Variants in HSF1 observed in about 807,000 individuals in gnomAD.
HSF1 encodes heat shock factor protein 1.
A neutral mutation model predicts 51.7 loss-of-function variants in HSF1; 32 were observed. That is an observed-to-expected ratio of 0.62 (90% CI 0.47 to 0.83). The LOEUF (loss-of-function observed/expected upper bound fraction) is 0.83, where lower values mean the gene tolerates loss of function less well. HSF1 is among the 40% of genes least tolerant of loss of function. The probability of loss-of-function intolerance (pLI) is 0.00; values close to 1 mark genes in which losing one functional copy is unlikely to be tolerated. For synonymous variants in HSF1, 396 were observed against 309.7 expected, an observed-to-expected ratio of 1.28 and a Z score of -2.92; for missense variants, 727 against 717.0, an observed-to-expected ratio of 1.01 and a Z score of -0.16.
Position 144,311,832 on chromosome 8 carries a change from G to A in HSF1, c.856G>A (p.Glu286Lys), listed in dbSNP as rs781953503. 1.1e-5 allele frequency: 18 copies of A among 1,603,994 alleles called. No homozygotes were observed. Among genetic ancestry groups the A allele is most frequent in the African/African-American group, 1.3e-5 (1 of 74,732 alleles). The change falls in exon 8 of 13, where the codon GAG becomes AAG. Residue 286 changes from glutamate (E) to lysine (K), a missense_variant. Physicochemically the swap from Glu to Lys is moderately conservative, Grantham distance 56. Coordinates refer to ENST00000528838, the MANE Select transcript of HSF1 (RefSeq NM_005526.4). ...PMASPGGSID[E>K]RPLSSSPLVR... Reference sequence around the variant, plus strand: ...GGCCTCCCCCGGCGGGAGCATAGACGAGAGGTGGGGGCCGCATCACCCCAG... The same window carrying A: ...GGCCTCCCCCGGCGGGAGCATAGACAAGAGGTGGGGGCCGCATCACCCCAG...
Position 144,313,589 on chromosome 8 carries a change from C to A in HSF1, c.1221C>A (p.Phe407Leu). 6 of 1,609,996 alleles carry A rather than the reference C, an allele frequency of 3.7e-6. No homozygotes were observed. The highest frequency in any genetic ancestry group is 5.1e-6 in the Non-Finnish European group (6 of 1,177,994). ...AGACCATGCTGAGCAGCCACGGCTT[C>A]AGCGTGGACACCAGTGCCCTGCTGG... ...NLQTMLSSHG[F>L]SVDTSALLDL... Residue 407 changes from phenylalanine to leucine, a missense_variant, in exon 10 of 13, where the codon TTC becomes TTA. Coordinates refer to ENST00000528838, the MANE Select transcript of HSF1 (RefSeq NM_005526.4).
chr8:144,310,052 C>T (rs1248293411), intron 4 of HSF1, 156 bp downstream of exon 4: 16 of 887,080 alleles, frequency 1.8e-5, no homozygotes, highest in African/African-American at 3.4e-5. Context: ...CCAGCCCCGC[C>T]GCCCGTGGCT....
chr8:144,309,403 G>A lies in HSF1; in HGVS notation c.227-52G>A, dbSNP rs1203714654. The A allele has an allele frequency of 9.3e-6, 15 of 1,607,518 alleles. No homozygotes were observed. The African/African-American group carries it at 1.3e-4, about 14-fold the overall frequency. ...TCCTGGAGCAGTGGCCGCTCTTCAG[G>A]GGTTCTGGTCCCGCCCTGAGGCAGA... On this transcript the variant is annotated intron_variant, in intron 2 of 12. Coordinates refer to ENST00000528838, the MANE Select transcript of HSF1 (RefSeq NM_005526.4).
In HSF1 at chr8:144,291,807, C is replaced by A; in HGVS notation, c.50C>A (p.Ala17Asp). 6.4e-7 allele frequency: 1 copy of A among 1,554,486 alleles called. No individual in the cohort carries two copies. The highest frequency in any genetic ancestry group is 1.2e-5 in the South Asian group (1 of 85,022). The change falls in exon 1 of 13, where the codon GCC (alanine) becomes GAC (aspartate). Residue 17 changes from alanine (A) to aspartate (D), a missense_variant. Coordinates refer to ENST00000528838, the MANE Select transcript of HSF1 (RefSeq NM_005526.4). The surrounding 1 kb of genome is among the most constrained non-coding windows in gnomAD (Gnocchi z 4.1). Reference sequence around the variant, plus strand: ...GCGGCGGGGCCCAGCAACGTCCCGGCCTTCCTGACCAAGCTGTGGACCCTC... The same window carrying A: ...GCGGCGGGGCCCAGCAACGTCCCGGACTTCCTGACCAAGCTGTGGACCCTC... The part of the protein sequence containing the change: ...PGAAGPSNVP[A>D]FLTKLWTLVS...
chr8:144,300,706 G>A (rs1815808287), intron 1 of HSF1, among the ~76,000 whole-genome samples: 1 of 152,252 alleles, frequency 6.6e-6, no homozygotes. Context: ...AGGTGCCAGA[G>A]TCAGTGGGAC....
Position 144,302,237 on chromosome 8 carries a change from C to T in HSF1, c.118-6669C>T, listed in dbSNP as rs979462666. Among the ~76,000 whole-genome samples the T allele has an allele frequency of 3.3e-5, 5 of 151,400 alleles. No homozygotes were observed. The East Asian group carries it at 9.9e-4, about 30-fold the overall frequency. ...AAAAAATTAAAGGCAGGCCGGGCGC[C>T]GTGGCTCACGCCTGTAATCCCAGCA... is the stretch of plus-strand genomic sequence containing the variant. On this transcript the variant is annotated intron_variant, in intron 1 of 12. Transcript: ENST00000528838.
In HSF1 at chr8:144,306,291, T is replaced by TC. The variant is rs797039172; in HGVS notation, c.118-2612dup. On this transcript the variant is annotated intron_variant, in intron 1 of 12. Transcript: ENST00000528838. The stretch of plus-strand genomic sequence containing the variant: ...TCTATTGATTGCCTTTTTTTTTTTT[T>TC]CCCGTGTATGGGGTATGGGTCCTAG... Among the ~76,000 whole-genome samples, 609 of 151,970 alleles carry TC rather than the reference T, an allele frequency of 4.0e-3. 5 individuals carry two copies. The highest frequency in any genetic ancestry group is 0.014 in the African/African-American group (560 of 41,440).
In HSF1 at chr8:144,310,619, C is replaced by T. The variant is rs562208669; in HGVS notation, c.489-555C>T. Reference sequence around the variant, plus strand: ...CTGGAGTCCGGCCACGTGGACCTGGCCTACCAAGAAGACTCACAGGCTTGA... The same window carrying T: ...CTGGAGTCCGGCCACGTGGACCTGGTCTACCAAGAAGACTCACAGGCTTGA... On this transcript the variant is annotated intron_variant, in intron 4 of 12. Coordinates refer to ENST00000528838, the MANE Select transcript of HSF1 (RefSeq NM_005526.4). 9 of 164,896 alleles carry T rather than the reference C, an allele frequency of 5.5e-5. No homozygotes were observed. In the South Asian group the frequency reaches 1.4e-3, roughly 27 times the overall value. 10.2% of individuals were successfully genotyped at this position (164,896 alleles called of 1,614,324 possible). A position where few individuals can be genotyped will look rare whatever the true frequency, so the allele number is the denominator to read the frequency against.
intron 1 of HSF1, among the ~76,000 whole-genome samples, chr8:144,300,517 G>C (rs1046170292): frequency 6.6e-6 from 1 of 152,278 alleles, no homozygotes; most frequent in Admixed American, 6.5e-5. Context: ...GGCCTGTTGT[G>C]TACTCTTGAT....
chr8:144,298,318 C>T (rs1815609737), intron 1 of HSF1, among the ~76,000 whole-genome samples: 1 of 151,980 alleles, frequency 6.6e-6, no homozygotes, highest in Admixed American at 6.6e-5. Flanking sequence ...AAACTAGGGC[C>T]GGGCACGGTG....
In HSF1 at chr8:144,312,014, G is replaced by T; in HGVS notation, c.912G>T (p.Pro304=). Residue 304 remains proline, a synonymous_variant, in exon 9 of 13, where the codon CCG becomes CCT. Transcript: ENST00000528838. ...GTGTCAAGGAGGAGCCCCCCAGCCC[G>T]CCTCAGAGCCCCCGGGTAGAGGAGG... ...LVRVKEEPPS[P]PQSPRVEEAS... 6.2e-7 allele frequency: 1 copy of T among 1,601,402 alleles called. No homozygotes were observed.
At chr8:144,303,529 A>G (rs782665797) in intron 1 of HSF1, among the ~76,000 whole-genome samples, 6 of 151,956 alleles carry the variant, frequency 3.9e-5, no homozygotes, top group African/African-American at 7.2e-5. Flanking sequence ...CTTTCCCAGC[A>G]TGGGTGCTCT....
rs1190309083 is a variant in HSF1 at position 144,309,250 on chromosome 8, C to T, written c.227-205C>T. 8 of 694,996 alleles carry T rather than the reference C, an allele frequency of 1.2e-5. No homozygotes were observed. The South Asian group carries it at 1.3e-4, about 11-fold the overall frequency. The allele number at this position is 694,996 out of a possible 1,614,324, so 43.1% of individuals were successfully genotyped here. A position where few individuals can be genotyped will look rare whatever the true frequency, so the allele number is the denominator to read the frequency against. The stretch of plus-strand genomic sequence containing the variant: ...ACCGTGAAGCCGGAGCTGTACTCCA[C>T]GTGTGTCGGGCGCAGGGAGCCCTGT... On this transcript the variant is annotated intron_variant, in intron 2 of 12. Transcript: ENST00000528838.
At position 144,314,271 on chromosome 8, in the gene HSF1, A is replaced by C; in HGVS notation, c.1531A>C (p.Thr511Pro). The C allele has an allele frequency of 2.6e-6, 4 of 1,550,928 alleles. No individual in the cohort carries two copies. Among genetic ancestry groups the C allele is most frequent in the Non-Finnish European group, 3.5e-6 (4 of 1,147,238 alleles). ...SEGDGFAEDP[T>P]ISLLTGSEPP... Reference sequence around the variant, plus strand: ...AGGGGACGGCTTCGCCGAGGACCCCACCATCTCCCTGCTGACAGGCTCGGA... The same window carrying C: ...AGGGGACGGCTTCGCCGAGGACCCCCCCATCTCCCTGCTGACAGGCTCGGA... Residue 511 changes from threonine to proline, a missense_variant, in exon 13 of 13, where the codon ACC becomes CCC. This residue lies in a region of HSF1 where 470 missense variants were observed against 398.8 expected (regional missense o/e 1.18). Transcript: ENST00000528838.
rs538652957 is a variant in HSF1, at chr8:144,313,220, C to T, written c.1143-291C>T. On this transcript the variant is annotated intron_variant, in intron 9 of 12. Coordinates refer to ENST00000528838, the MANE Select transcript of HSF1 (RefSeq NM_005526.4). ...AACCCTGAACACTGAAATCCCTGAT[C>T]CTTGTGCTGGAGCTGAATACGCCCC... 9.7e-5 allele frequency: 44 copies of T among 455,270 alleles called. 1 individual carries two copies. The East Asian group carries it at 1.7e-3, about 17-fold the overall frequency. 28.2% of individuals were successfully genotyped at this position (455,270 alleles called of 1,614,324 possible). A position where few individuals can be genotyped will look rare whatever the true frequency, so the allele number is the denominator to read the frequency against.
At chr8:144,301,921 A>G (rs1393601268) in intron 1 of HSF1, among the ~76,000 whole-genome samples, 1 of 150,852 alleles carries the variant, frequency 6.6e-6, no homozygotes, top group Non-Finnish European at 1.5e-5. Context: ...CTGTGGTGCC[A>G]GCTACTCAGA....
In HSF1 at chr8:144,311,205, A is replaced by G; in HGVS notation, c.520A>G (p.Ser174Gly). 6.2e-7 allele frequency: 1 copy of G among 1,604,308 alleles called. No homozygotes were observed. The highest frequency in any genetic ancestry group is 8.5e-7 in the Non-Finnish European group (1 of 1,175,734). Reference protein sequence around the residue: ...ENEALWREVASLRQKHAQQQK... With the variant: ...ENEALWREVAGLRQKHAQQQK... ...TGAGGCTCTGTGGCGGGAGGTGGCCAGCCTTCGGCAGAAGCATGCCCAGCA... is the reference window on the plus strand; with the variant it reads ...TGAGGCTCTGTGGCGGGAGGTGGCCGGCCTTCGGCAGAAGCATGCCCAGCA... The change falls in exon 5 of 13, where the codon AGC becomes GGC. Residue 174 changes from serine to glycine, a missense_variant. Ser to Gly is a moderately conservative substitution (Grantham distance 56, BLOSUM62 0). Around this residue, in one of 2 missense-constraint regions of HSF1, gnomAD observed 257 missense variants for 318.3 expected, o/e 0.81. Coordinates refer to ENST00000528838, the MANE Select transcript of HSF1 (RefSeq NM_005526.4).
intron 1 of HSF1, among the ~76,000 whole-genome samples, chr8:144,302,793 G>A (rs1008229574): frequency 6.6e-6 from 1 of 152,072 alleles, no homozygotes; most frequent in African/African-American, 2.4e-5. Context: ...CTGCACTCCA[G>A]CCTGGGTGAC....
intron 2 of HSF1, 177 bp from the exon 3 acceptor site, chr8:144,309,278 G>A (rs1327149148): frequency 8.8e-6 from 7 of 798,398 alleles, no homozygotes; most frequent in Non-Finnish European, 1.4e-5. Context: ...AGCCCTGTGG[G>A]GACACAGGGT....
Sources: allele counts gnomAD v4.1 joint callset (sites outside exome capture counted in the v4.1 genomes callset), GRCh38; gene constraint gnomAD v4.1.1; regional missense constraint gnomAD v4.1.1; non-coding constraint Gnocchi (gnomAD v3.1); transcripts MANE v1.5; gene names NCBI Gene and HGNC (gene_info 2026-07-23, HGNC 2026-07-21).